Variants in PHLDB2 observed in about 807,000 individuals in gnomAD.
The protein encoded by PHLDB2 is pleckstrin homology-like domain family B member 2.
In PHLDB2, 71 loss-of-function variants were observed where a neutral mutation model predicts 123.6. The ratio of observed to expected loss-of-function variants is 0.57; its 90% CI spans 0.47 to 0.70. The LOEUF is 0.70. Among genes scored for constraint, PHLDB2 ranks in the 30% least tolerant of loss-of-function variants. The pLI is 0.00. For missense variants in PHLDB2, 1,446 were observed against 1,519.5 expected (o/e 0.95, Z 0.80); for synonymous variants, 547 against 541.6 (o/e 1.01, Z -0.14).
chr3:111,779,721 G>C (rs2108079048), intron 1 of PHLDB2: 1 of 423,808 alleles, frequency 2.4e-6, no homozygotes, highest in African/African-American at 2.2e-5. Flanking sequence ...TTTTGCTCTT[G>C]TGAATGGCGT....
At chr3:111,885,955 G>A (rs956398579) in intron 2 of PHLDB2, among the ~76,000 whole-genome samples, 11 of 152,120 alleles carry the variant, frequency 7.2e-5, no homozygotes, top group African/African-American at 2.4e-4. Context: ...TTCTTATCAC[G>A]TACAGTGATT....
intron 1 of PHLDB2, among the ~76,000 whole-genome samples, chr3:111,824,169 G>T (rs746079847): frequency 1.3e-5 from 2 of 152,106 alleles, no homozygotes; most frequent in Non-Finnish European, 2.9e-5. Context: ...CCCACTTGCT[G>T]GTCGGTTCTT....
rs570516895 is a variant in PHLDB2 at position 111,876,968 on chromosome 3, A to G, written c.-14-7096A>G. On this transcript the variant is annotated intron_variant, in intron 1 of 17. Transcript: ENST00000431670. ...CTACATTTTCTTTATCCAGTCTATC[A>G]TTGATGGGCATTTGGGTTCGTTCCA... is the stretch of plus-strand genomic sequence containing the variant. Among the ~76,000 whole-genome samples the G allele has an allele frequency of 1.2e-4, 19 of 152,318 alleles. No homozygotes were observed. The East Asian group carries it at 3.7e-3, about 29-fold the overall frequency.
At chr3:111,841,679 T>C (rs2108554604) in intron 1 of PHLDB2, among the ~76,000 whole-genome samples, 1 of 152,324 alleles carries the variant, frequency 6.6e-6, no homozygotes, top group South Asian at 2.1e-4. Flanking sequence ...GGGTGTCAGC[T>C]GGGCTTCTAA....
At chr3:111,815,388 T>C (rs2062028700) in intron 1 of PHLDB2, among the ~76,000 whole-genome samples, 1 of 152,174 alleles carries the variant, frequency 6.6e-6, no homozygotes, top group Admixed American at 6.5e-5. Flanking sequence ...TGGAACTCCC[T>C]AGAGACTTAC....
chr3:111,958,134 C>A, intron 12 of PHLDB2: 1 of 238,434 alleles, frequency 4.2e-6, no homozygotes, highest in Non-Finnish European at 6.8e-6. Context: ...TCAATGAGTG[C>A]ATGTTGGAAG....
At chr3:111,929,981 G>A (rs1416942982) in intron 5 of PHLDB2, among the ~76,000 whole-genome samples, 1 of 148,896 alleles carries the variant, frequency 6.7e-6, no homozygotes, top group Non-Finnish European at 1.5e-5. Flanking sequence ...ACACGATCTC[G>A]GCTCACTGCA....
At chr3:111,968,381 G>A (rs547593027) in intron 15 of PHLDB2, among the ~76,000 whole-genome samples, 1 of 152,244 alleles carries the variant, frequency 6.6e-6, no homozygotes, top group South Asian at 2.1e-4. Context: ...CAACACCTGT[G>A]CACAAGCTTG....
chr3:111,793,499 C>T (rs184777387), intron 1 of PHLDB2, among the ~76,000 whole-genome samples: 2 of 152,040 alleles, frequency 1.3e-5, no homozygotes, highest in Non-Finnish European at 2.9e-5. Context: ...ACTTGGTGCT[C>T]TACCCCACTG....
Position 111,895,248 on chromosome 3 carries a change from A to G in PHLDB2, c.1335+9836A>G, listed in dbSNP as rs73852727. 6.2e-3 allele frequency among the ~76,000 whole-genome samples: 950 copies of G among 152,310 alleles called. 14 individuals carry two copies. Among genetic ancestry groups the G allele is most frequent in the African/African-American group, 0.022 (894 of 41,578 alleles). The stretch of plus-strand genomic sequence containing the variant: ...TTGAGAGCAAACCCTCTGTTCTTAT[A>G]GTAGCAGTACAAGCTATTGCCTCTT... On this transcript the variant is annotated intron_variant, in intron 2 of 17. Transcript: ENST00000431670.
At chr3:111,924,053 T>C (rs1577095972) in intron 5 of PHLDB2, among the ~76,000 whole-genome samples, 1 of 152,246 alleles carries the variant, frequency 6.6e-6, no homozygotes, top group East Asian at 1.9e-4. Context: ...TTCCTTTCTA[T>C]CTTTCTGTTT....
At chr3:111,815,270 C>T (rs2062024241) in intron 1 of PHLDB2, among the ~76,000 whole-genome samples, 1 of 152,082 alleles carries the variant, frequency 6.6e-6, no homozygotes, top group Non-Finnish European at 1.5e-5. Context: ...GAGTGGGGCA[C>T]TGCTGAGAAG....
intron 1 of PHLDB2, among the ~76,000 whole-genome samples, chr3:111,798,213 T>C (rs904856636): frequency 6.6e-6 from 1 of 152,132 alleles, no homozygotes; most frequent in African/African-American, 2.4e-5. Context: ...CCTTGGCCTT[T>C]ATAATTTACT....
At chr3:111,930,713 A>T (rs1260889855) in intron 5 of PHLDB2, among the ~76,000 whole-genome samples, 1 of 152,204 alleles carries the variant, frequency 6.6e-6, no homozygotes, top group African/African-American at 2.4e-5. Flanking sequence ...TCTGTTAATA[A>T]TGCCATTGCT....
chr3:111,834,177 ATATAT>A, intron 1 of PHLDB2, among the ~76,000 whole-genome samples: 1 of 83,790 alleles, frequency 1.2e-5, no homozygotes, highest in East Asian at 3.7e-4. Context: ...TAATAGAATT[ATATAT>A]ATTATATATG....
Position 111,780,412 on chromosome 3 carries a change from A to AAGAAGAAGAAG in PHLDB2, c.-49+47710_-49+47711insGAAGAAGAAGA, listed in dbSNP as rs1326616017. On this transcript the variant is annotated intron_variant, in intron 1 of 17. Coordinates refer to the PHLDB2 transcript ENST00000393923. ...AGAAGAAGAAGAAGAAGAAGAAGAA[A>AAGAAGAAGAAG]AAGATTAGTTCGGCCCAACTTTCTG... Among the ~76,000 whole-genome samples, 33 of 116,778 alleles carry AAGAAGAAGAAG rather than the reference A, an allele frequency of 2.8e-4. 9 individuals carry two copies. The highest frequency in any genetic ancestry group is 5.8e-4 in the African/African-American group (17 of 29,226). 76.6% of individuals were successfully genotyped at this position (116,778 alleles called of 152,430 possible). A position where few individuals can be genotyped will look rare whatever the true frequency, so the allele number is the denominator to read the frequency against.
intron 2 of PHLDB2, among the ~76,000 whole-genome samples, chr3:111,889,474 G>A (rs1407210382): frequency 6.6e-6 from 1 of 152,042 alleles, no homozygotes; most frequent in Non-Finnish European, 1.5e-5. Flanking sequence ...GGCCAAGGTG[G>A]GAGGATCACT....
intron 1 of PHLDB2, among the ~76,000 whole-genome samples, chr3:111,812,161 T>C (rs2061869036): frequency 6.6e-6 from 1 of 152,256 alleles, no homozygotes; most frequent in African/African-American, 2.4e-5. Context: ...AGACAGATTT[T>C]TGTTTTACAG....
At chr3:111,949,114 T>G in intron 10 of PHLDB2, 39 bp downstream of exon 10, 2 of 1,606,592 alleles carry the variant, frequency 1.2e-6, no homozygotes, top group Non-Finnish European at 1.7e-6. Flanking sequence ...ACTGCTTTTC[T>G]TCATGTCAGA....
Sources: gnomAD v4.1 joint callset for allele counts (sites outside exome capture counted in the v4.1 genomes callset) on GRCh38, gnomAD v4.1.1 for gene constraint, MANE v1.5 for transcripts, NCBI Gene and HGNC (gene_info 2026-07-23, HGNC 2026-07-21) for gene names.